The following PDE1B variants were observed in gnomAD, a reference collection of about 807,000 sequenced individuals.
The protein encoded by PDE1B is dual specificity calcium/calmodulin-dependent 3',5'-cyclic nucleotide phosphodiesterase 1B.
PDE1B carries 13 observed loss-of-function variants against 66.7 expected under a neutral mutation model. That is an observed-to-expected ratio of 0.19 (90% confidence interval 0.13 to 0.31). PDE1B has a LOEUF of 0.31. PDE1B is among the 10% of genes least tolerant of loss of function. PDE1B has a pLI of 1.00. For synonymous variants in PDE1B, 230 were observed against 253.9 expected, an observed-to-expected ratio of 0.91 and a Z score of 0.90; for missense variants, 485 against 682.3, an observed-to-expected ratio of 0.71 and a Z score of 3.22.
Position 54,577,025 on chromosome 12 carries a change from G to C in PDE1B, c.1508-200G>C, listed in dbSNP as rs185207543. 9.7e-6 allele frequency: 6 copies of C among 615,514 alleles called. No individual in the cohort carries two copies. The African/African-American group carries it at 1.1e-4, about 11-fold the overall frequency. The allele number at this position is 615,514 out of a possible 1,614,324, so 38.1% of individuals were successfully genotyped here. A position where few individuals can be genotyped will look rare whatever the true frequency, so the allele number is the denominator to read the frequency against. On this transcript the variant is annotated intron_variant, in intron 14 of 15. Coordinates refer to ENST00000243052, the MANE Select transcript of PDE1B (RefSeq NM_000924.4). ...GGCTGGGAAATCTCTTCCTGTGTGA[G>C]GGGGTGGTAGGGTGGTGTTGAGGGT...
In PDE1B at chr12:54,575,703, C is replaced by G. The variant is rs1254232989; in HGVS notation, c.1267+71C>G. 2.7e-6 allele frequency: 3 copies of G among 1,100,002 alleles called. No individual in the cohort carries two copies. The highest frequency in any genetic ancestry group is 4.2e-6 in the Non-Finnish European group (3 of 721,544). 68.1% of individuals were successfully genotyped at this position (1,100,002 alleles called of 1,614,324 possible). A position where few individuals can be genotyped will look rare whatever the true frequency, so the allele number is the denominator to read the frequency against. ...AGATGCTGCCTGGGTCAGGATTGCT[C>G]CAAGTCCTCAATCCCCCCAAACCAT... On this transcript the variant is annotated intron_variant, in intron 12 of 15. Transcript: ENST00000243052. This position sits in a 1 kb window ranked among gnomAD's most constrained non-coding sequence, Gnocchi z 4.0.
intron 2 of PDE1B, among the ~76,000 whole-genome samples, chr12:54,551,648 C>A (rs562369032): frequency 6.6e-6 from 1 of 152,294 alleles, no homozygotes; most frequent in East Asian, 1.9e-4. Flanking sequence ...GGTAACAGGG[C>A]CCTGCGAAAG....
At chr12:54,551,429 A>C (rs1957276515) in intron 2 of PDE1B, among the ~76,000 whole-genome samples, 5 of 152,174 alleles carry the variant, frequency 3.3e-5, no homozygotes, top group Admixed American at 3.3e-4. Context: ...GAAGAAATGG[A>C]AAACCAGATT....
chr12:54,567,057 T>C lies in PDE1B; in HGVS notation c.197T>C (p.Leu66Pro). The change falls in exon 3 of 16, where the codon CTG becomes CCG. Residue 66 changes from leucine (L) to proline (P), a missense_variant. Leu to Pro is a moderately conservative substitution (Grantham distance 98). Around this residue, in one of 4 missense-constraint regions of PDE1B, gnomAD observed 74 missense variants for 78.7 expected, o/e 0.94. Transcript: ENST00000243052. ...LKKNLEYTAS[L>P]LEAVYIDETR... ...AAAAATCTGGAGTACACAGCTTCTC[T>C]GCTGGAAGCCGTCTACATAGATGAG... The C allele has an allele frequency of 6.2e-7, 1 of 1,603,916 alleles. No individual in the cohort carries two copies. Among genetic ancestry groups the C allele is most frequent in the Non-Finnish European group, 8.5e-7 (1 of 1,171,878 alleles).
In PDE1B at chr12:54,573,852, T is replaced by C; in HGVS notation, c.1064+143T>C. The C allele has an allele frequency of 1.7e-6, 1 of 595,690 alleles. No individual in the cohort carries two copies. The highest frequency in any genetic ancestry group is 1.8e-5 in the South Asian group (1 of 55,880). The allele number at this position is 595,690 out of a possible 1,614,324, so 36.9% of individuals were successfully genotyped here. On this transcript the variant is annotated intron_variant, in intron 10 of 15. Coordinates refer to ENST00000243052, the MANE Select transcript of PDE1B (RefSeq NM_000924.4). This position sits in a 1 kb window ranked among gnomAD's most constrained non-coding sequence, Gnocchi z 5.2. ...GGCTTCAGGTATCAGACTGCATCTC[T>C]ATGTGAGAGAGAGAGAGAGTGTGTG...
rs944155921 is a variant in PDE1B at position 54,576,156 on chromosome 12, G to A, written c.1376+56G>A. The A allele has an allele frequency of 2.6e-5, 28 of 1,080,244 alleles. No individual in the cohort carries two copies. In the African/African-American group the frequency reaches 4.2e-4, roughly 16 times the overall value. The allele number at this position is 1,080,244 out of a possible 1,614,324, so 66.9% of individuals were successfully genotyped here. A position where few individuals can be genotyped will look rare whatever the true frequency, so the allele number is the denominator to read the frequency against. The stretch of plus-strand genomic sequence containing the variant: ...GGTTCAGGAAGGCAGTGGTAGGGAG[G>A]GATTTGGACTCACAGAGAGGACCGA... On this transcript the variant is annotated intron_variant, in intron 13 of 15. Transcript: ENST00000243052.
Position 54,576,020 on chromosome 12 carries a change from A to G in PDE1B, c.1296A>G (p.Thr432=). 2 of 1,613,814 alleles carry G rather than the reference A, an allele frequency of 1.2e-6. No individual in the cohort carries two copies. Among genetic ancestry groups the G allele is most frequent in the Non-Finnish European group, 1.7e-6 (2 of 1,179,658 alleles). The change falls in exon 13 of 16, where the codon ACA becomes ACG. Residue 432 remains threonine (T), a synonymous_variant. Coordinates refer to ENST00000243052, the MANE Select transcript of PDE1B (RefSeq NM_000924.4). ...TCATCGACTTCATTGTGGAGCCCACATTCTCTGTGCTGACTGACGTGGCAG... is the reference window on the plus strand; with the variant it reads ...TCATCGACTTCATTGTGGAGCCCACGTTCTCTGTGCTGACTGACGTGGCAG... ...IGFIDFIVEP[T]FSVLTDVAEK...
rs79120491 is a variant in PDE1B, at chr12:54,577,631, G to A, written c.*18-229G>A. The A allele has an allele frequency of 4.1e-3, 5,587 of 1,371,046 alleles. 164 individuals are homozygous for A. In the African/African-American group the frequency reaches 0.067, roughly 16 times the overall value. The allele number at this position is 1,371,046 out of a possible 1,614,324, so 84.9% of individuals were successfully genotyped here. A position where few individuals can be genotyped will look rare whatever the true frequency, so the allele number is the denominator to read the frequency against. ...GACAGCTAACCTGCACCGCACCTTA[G>A]GGAGGGTTAGGGAAAAGGAGCCCAG... On this transcript the variant is annotated intron_variant, in intron 15 of 15. Transcript: ENST00000243052.
At chr12:54,557,690 A>T (rs556900522) in intron 2 of PDE1B, among the ~76,000 whole-genome samples, 110 of 152,242 alleles carry the variant, frequency 7.2e-4, no homozygotes, top group African/African-American at 2.5e-3. Flanking sequence ...CCCATCCCAG[A>T]CTACCTTCAA....
rs1163467433 is a variant in PDE1B, at chr12:54,573,730, G to A, written c.1064+21G>A. 3.2e-6 allele frequency: 5 copies of A among 1,583,194 alleles called. No homozygotes were observed. Among genetic ancestry groups the A allele is most frequent in the Non-Finnish European group, 4.3e-6 (5 of 1,152,226 alleles). Reference sequence around the variant, plus strand: ...GAGAGGTGGCATCTGGTGGGGTGTGGCTGGGGCCAGGCCAGAGGGAGGGGT... The same window carrying A: ...GAGAGGTGGCATCTGGTGGGGTGTGACTGGGGCCAGGCCAGAGGGAGGGGT... On this transcript the variant is annotated intron_variant, in intron 10 of 15. Coordinates refer to ENST00000243052, the MANE Select transcript of PDE1B (RefSeq NM_000924.4). The surrounding 1 kb of genome is among the most constrained non-coding windows in gnomAD (Gnocchi z 5.2).
chr12:54,564,732 A>C, intron 2 of PDE1B, among the ~76,000 whole-genome samples: 1 of 152,220 alleles, frequency 6.6e-6, no homozygotes, highest in East Asian at 1.9e-4. Context: ...CCTAGAATCT[A>C]TATTTTTTAC....
At chr12:54,549,838 G>A in intron 1 of PDE1B, 22 bp from the exon 2 acceptor site, 1 of 1,533,962 alleles carries the variant, frequency 6.5e-7, no homozygotes, top group Middle Eastern at 1.7e-4. Flanking sequence ...CCGAGGTGCT[G>A]TCTCCTCCTT....
intron 2 of PDE1B, among the ~76,000 whole-genome samples, chr12:54,553,034 G>A (rs532378172): frequency 1.3e-5 from 2 of 152,354 alleles, no homozygotes; most frequent in Non-Finnish European, 2.9e-5. Context: ...GGACCAGGTG[G>A]CATGCTGGAT....
chr12:54,568,988 C>T (rs892898027), intron 3 of PDE1B, 196 bp from the exon 4 acceptor site: 45 of 900,596 alleles, frequency 5.0e-5, no homozygotes, highest in Non-Finnish European at 6.9e-5. Flanking sequence ...TGCTCACTAC[C>T]TCACATGGAG....
intron 2 of PDE1B, 44 bp downstream of exon 2, chr12:54,550,029 C>A: frequency 1.3e-6 from 2 of 1,596,758 alleles, no homozygotes; most frequent in East Asian, 2.3e-5. Flanking sequence ...CCTTAGGGAG[C>A]CTGAGCGGGA....
chr12:54,561,583 C>T (rs1210799361), intron 2 of PDE1B: 1 of 1,525,626 alleles, frequency 6.6e-7, no homozygotes. Flanking sequence ...ACTTTGATTC[C>T]CATGGCAAAC....
intron 2 of PDE1B, among the ~76,000 whole-genome samples, chr12:54,559,978 G>T (rs1231026357): frequency 6.6e-6 from 1 of 152,196 alleles, no homozygotes; most frequent in African/African-American, 2.4e-5. Flanking sequence ...ACTGGGTCTA[G>T]TCCTTTCTCT....
At chr12:54,568,331 G>A (rs750377500) in intron 3 of PDE1B, among the ~76,000 whole-genome samples, 3 of 151,932 alleles carry the variant, frequency 2.0e-5, no homozygotes, top group Non-Finnish European at 4.4e-5. Flanking sequence ...GCATGGTGAT[G>A]TGCATCTGTA....
rs1052813310 is a variant in PDE1B, at chr12:54,565,776, A to G, written c.114-1198A>G. On this transcript the variant is annotated intron_variant, in intron 2 of 15. Coordinates refer to ENST00000243052, the MANE Select transcript of PDE1B (RefSeq NM_000924.4). Reference sequence around the variant, plus strand: ...TGGGGCTGGCTATTTTGGGCACCCCATTCCAAAGCTGCCGAGACCCCGGGA... The same window carrying G: ...TGGGGCTGGCTATTTTGGGCACCCCGTTCCAAAGCTGCCGAGACCCCGGGA... Among the ~76,000 whole-genome samples, 8 of 152,100 alleles carry G rather than the reference A, an allele frequency of 5.3e-5. No homozygotes were observed. The East Asian group carries it at 1.2e-3, about 22-fold the overall frequency.
Sources: allele counts gnomAD v4.1 joint callset (sites outside exome capture counted in the v4.1 genomes callset), GRCh38; gene constraint gnomAD v4.1.1; regional missense constraint gnomAD v4.1.1; non-coding constraint Gnocchi (gnomAD v3.1); transcripts MANE v1.5; gene names NCBI Gene and HGNC (gene_info 2026-07-23, HGNC 2026-07-21).